AP3B1: variants seen among roughly 807,000 people sequenced by gnomAD.
AP3B1 encodes the protein adaptor related protein complex 3 subunit beta 1.
A neutral mutation model predicts 132.5 loss-of-function variants in AP3B1; 61 were observed. The observed-to-expected ratio is 0.46, with a 90% confidence interval of 0.37 to 0.57. The LOEUF (loss-of-function observed/expected upper bound fraction) is 0.57, where lower values mean the gene tolerates loss of function less well. Ranked by LOEUF, AP3B1 falls within the 20% of genes least tolerant of loss-of-function variation. The probability of loss-of-function intolerance (pLI) is 0.00; values close to 1 mark genes in which losing one functional copy is unlikely to be tolerated. For synonymous variants in AP3B1, 388 were observed against 438.3 expected (o/e 0.89, Z 1.43); for missense variants, 1,120 against 1,289.4 (o/e 0.87, Z 2.01).
At chr5:78,120,759 C>G (rs530513163) in intron 17 of AP3B1, among the ~76,000 whole-genome samples, 1 of 152,138 alleles carries the variant, frequency 6.6e-6, no homozygotes, top group Admixed American at 6.5e-5. Flanking sequence ...CTTTAACACC[C>G]TACTGTCAAC....
At chr5:78,144,642 G>T (rs1312958942) in intron 14 of AP3B1, among the ~76,000 whole-genome samples, 1 of 152,202 alleles carries the variant, frequency 6.6e-6, no homozygotes, top group East Asian at 1.9e-4. Flanking sequence ...CAGAGAAAGG[G>T]TGGGTAACTT....
intron 21 of AP3B1, among the ~76,000 whole-genome samples, chr5:78,099,187 G>T (rs2112229941): frequency 6.6e-6 from 1 of 152,260 alleles, no homozygotes; most frequent in East Asian, 1.9e-4. Context: ...CCTTGATCTT[G>T]GACTTCCCAG....
At chr5:78,184,699 A>AAAAAAAAAAAAAAAAAAAC (rs1491328377) in intron 7 of AP3B1, among the ~76,000 whole-genome samples, 2 of 151,810 alleles carry the variant, frequency 1.3e-5, no homozygotes, top group African/African-American at 4.9e-5. Flanking sequence ...AAAAAAAAAA[A>AAAAAAAAAAAAAAAAAAAC]CAGAGTCTCA....
At chr5:78,276,704 CA>C (rs78834961) in intron 1 of AP3B1, among the ~76,000 whole-genome samples, 104 of 150,838 alleles carry the variant, frequency 6.9e-4, no homozygotes, top group Non-Finnish European at 1.2e-3. Flanking sequence ...CCTTTCACCA[CA>C]AAAAAAACAA....
At chr5:78,203,716 T>C (rs1285141185) in intron 7 of AP3B1, among the ~76,000 whole-genome samples, 1 of 152,178 alleles carries the variant, frequency 6.6e-6, no homozygotes, top group East Asian at 1.9e-4. Flanking sequence ...ATATGTATTA[T>C]GTGTGTTGGT....
intron 1 of AP3B1, among the ~76,000 whole-genome samples, chr5:78,275,837 G>C (rs1406308653): frequency 6.6e-6 from 1 of 152,032 alleles, no homozygotes; most frequent in East Asian, 1.9e-4. Flanking sequence ...ATTCAATAAA[G>C]GTGTAAAAAA....
At chr5:78,015,339 T>G in intron 26 of AP3B1, 71 bp downstream of exon 26, 1 of 1,475,780 alleles carries the variant, frequency 6.8e-7, no homozygotes, top group Non-Finnish European at 9.3e-7. Flanking sequence ...AAGAAAACAA[T>G]GAATTTAAAA....
chr5:78,223,933 A>G (rs943728090), intron 6 of AP3B1, among the ~76,000 whole-genome samples: 1 of 152,162 alleles, frequency 6.6e-6, no homozygotes, highest in Admixed American at 6.5e-5. Flanking sequence ...AGGCCATCCA[A>G]AGAATTTCTC....
At chr5:78,237,898 C>T (rs113434157) in intron 3 of AP3B1, among the ~76,000 whole-genome samples, 27 of 152,324 alleles carry the variant, frequency 1.8e-4, no homozygotes, top group African/African-American at 6.0e-4. Context: ...AGAAATGCGT[C>T]GTTGGACAAT....
chr5:78,009,327 G>T (rs991936698), intron 26 of AP3B1, among the ~76,000 whole-genome samples: 1 of 151,670 alleles, frequency 6.6e-6, no homozygotes, highest in Non-Finnish European at 1.5e-5. Context: ...GGGCATGGTG[G>T]CATGCACTTG....
At chr5:78,092,620 T>C (rs1051545406) in intron 21 of AP3B1, among the ~76,000 whole-genome samples, 1 of 152,214 alleles carries the variant, frequency 6.6e-6, no homozygotes, top group Non-Finnish European at 1.5e-5. Context: ...ATATTAATAC[T>C]GTGTAAGCTG....
chr5:78,043,017 AATG>A (rs1467500021), intron 22 of AP3B1: 4 of 165,182 alleles, frequency 2.4e-5, no homozygotes, highest in Non-Finnish European at 5.4e-5. Context: ...CTTCCCAATC[AATG>A]ATTTCTCCTT....
chr5:78,266,606 AGTTT>A (rs1306208398), intron 2 of AP3B1, among the ~76,000 whole-genome samples: 1 of 152,174 alleles, frequency 6.6e-6, no homozygotes, highest in African/African-American at 2.4e-5. Context: ...TTATTACAGT[AGTTT>A]ATTTAAGCAA....
intron 11 of AP3B1, among the ~76,000 whole-genome samples, chr5:78,167,933 G>A (rs554829429): frequency 7.9e-5 from 12 of 151,052 alleles, no homozygotes; most frequent in Non-Finnish European, 1.5e-4. Flanking sequence ...CTTGGGTGAC[G>A]GGTGCACCGA....
At chr5:78,193,742 TTTTATATA>T (rs1298696813) in intron 7 of AP3B1, among the ~76,000 whole-genome samples, 4 of 90,840 alleles carry the variant, frequency 4.4e-5, no homozygotes, top group Non-Finnish European at 8.3e-5. Context: ...GTATATATTT[TTTTATATA>T]TATATATATA....
At position 78,034,361 on chromosome 5, in the gene AP3B1, C is replaced by T. The variant is rs767460571; in HGVS notation, c.2894G>A (p.Cys965Tyr). 1.2e-6 allele frequency: 2 copies of T among 1,608,654 alleles called. No individual in the cohort carries two copies. Among genetic ancestry groups the T allele is most frequent in the Non-Finnish European group, 1.7e-6 (2 of 1,175,384 alleles). ...DSTQTASFQL[C>Y]TKDDCFNVNI... is the part of the protein sequence containing the mutation. ...AAAATAGAAGAACAATTGAACTTAC[C>T]ACAACTGGAAACTGGCAGTCTGAGT... The change falls in exon 24 of 27, where the codon TGT (cysteine) becomes TAT (tyrosine). Residue 965 changes from cysteine (C) to tyrosine (Y), a missense_variant and splice_region_variant. Cys to Tyr is a radical substitution (Grantham distance 194). Transcript: ENST00000255194.
intron 7 of AP3B1, among the ~76,000 whole-genome samples, chr5:78,215,164 T>C (rs1268780610): frequency 1.3e-5 from 2 of 152,044 alleles, no homozygotes; most frequent in African/African-American, 4.8e-5. Context: ...CTGTCATAAG[T>C]ATGTATACAG....
chr5:78,205,308 C>G (rs1242790698), intron 7 of AP3B1, among the ~76,000 whole-genome samples: 2 of 152,002 alleles, frequency 1.3e-5, no homozygotes, highest in African/African-American at 4.8e-5. Flanking sequence ...AGCTCATGCT[C>G]TGGTTTCTCT....
chr5:78,107,449 C>T (rs1461172664), intron 20 of AP3B1, among the ~76,000 whole-genome samples: 1 of 152,070 alleles, frequency 6.6e-6, no homozygotes, highest in African/African-American at 2.4e-5. Flanking sequence ...CTCTCTCTCT[C>T]TTTAAATGCT....
Sources: allele counts gnomAD v4.1 joint callset (sites outside exome capture counted in the v4.1 genomes callset), GRCh38; gene constraint gnomAD v4.1.1; transcripts MANE v1.5; gene names NCBI Gene and HGNC (gene_info 2026-07-23, HGNC 2026-07-21).